The following TSPAN9 variants were observed in gnomAD, a reference collection of about 807,000 sequenced individuals.
TSPAN9 encodes tetraspanin-9.
TSPAN9 carries 16 observed loss-of-function variants against 31.0 expected under a neutral mutation model. The observed-to-expected ratio is 0.52, with a 90% CI of 0.35 to 0.78. TSPAN9 has a LOEUF of 0.78. TSPAN9 is among the 30% of genes least tolerant of loss of function. TSPAN9 has a pLI of 0.01. For missense variants in TSPAN9, 272 were observed against 312.5 expected, an observed-to-expected ratio of 0.87 and a Z score of 0.98; for synonymous variants, 145 against 121.6, an observed-to-expected ratio of 1.19 and a Z score of -1.27.
chr12:3,108,007 C>G (rs1023589747), intron 2 of TSPAN9, among the ~76,000 whole-genome samples: 12 of 152,336 alleles, frequency 7.9e-5, no homozygotes, highest in African/African-American at 2.9e-4. Flanking sequence ...TTTCTGGATA[C>G]TCCTTGTGTA....
At chr12:3,178,861 G>A (rs1002434389) in intron 2 of TSPAN9, among the ~76,000 whole-genome samples, 1 of 152,204 alleles carries the variant, frequency 6.6e-6, no homozygotes, top group Non-Finnish European at 1.5e-5. Context: ...TGGGCATTCT[G>A]TGCATCTGCT....
intron 3 of TSPAN9, among the ~76,000 whole-genome samples, chr12:3,268,941 T>C (rs1301015630): frequency 4.2e-4 from 34 of 81,398 alleles, no homozygotes; most frequent in East Asian, 1.3e-3. Flanking sequence ...GCCTGCCCTC[T>C]CTGTGTTCCT....
At chr12:3,226,243 G>A (rs1299210100) in intron 3 of TSPAN9, among the ~76,000 whole-genome samples, 2 of 152,182 alleles carry the variant, frequency 1.3e-5, no homozygotes, top group African/African-American at 2.4e-5. Flanking sequence ...TGCACATAGC[G>A]GGAGAAACTC....
At position 3,283,387 on chromosome 12, in the gene TSPAN9, C is replaced by G. The variant is rs113502124; in HGVS notation, c.*271C>G. The G allele has an allele frequency of 7.5e-3, 3,090 of 412,746 alleles. 101 individuals are homozygous for G. Among genetic ancestry groups the G allele is most frequent in the African/African-American group, 0.061 (2,898 of 47,756 alleles). 25.6% of individuals were successfully genotyped at this position (412,746 alleles called of 1,614,324 possible). ...AAAGACGACAGGGTGGGCTGGGGTG[C>G]GCTCCGGAGGAACCCCCGGCACTGA... On this transcript the variant is annotated 3_prime_UTR_variant, in exon 9 of 9. Coordinates refer to ENST00000011898, the MANE Select transcript of TSPAN9 (RefSeq NM_006675.5).
At chr12:3,141,116 G>A (rs1421745120) in intron 2 of TSPAN9, among the ~76,000 whole-genome samples, 1 of 152,006 alleles carries the variant, frequency 6.6e-6, no homozygotes, top group Non-Finnish European at 1.5e-5. Context: ...CCAAAGGAGA[G>A]GTTTGAGTTT....
At chr12:3,161,509 G>A (rs1309951076) in intron 2 of TSPAN9, among the ~76,000 whole-genome samples, 1 of 152,164 alleles carries the variant, frequency 6.6e-6, no homozygotes, top group African/African-American at 2.4e-5. Flanking sequence ...GATCTTAAAG[G>A]ACACCTGGAG....
chr12:3,131,548 G>A (rs2098329833), intron 2 of TSPAN9, among the ~76,000 whole-genome samples: 1 of 152,172 alleles, frequency 6.6e-6, no homozygotes, highest in Admixed American at 6.5e-5. Context: ...ATCCTCTAAT[G>A]CTGATGAAAG....
chr12:3,210,659 TGTA>T (rs2098378164), intron 3 of TSPAN9, among the ~76,000 whole-genome samples: 1 of 152,150 alleles, frequency 6.6e-6, no homozygotes, highest in African/African-American at 2.4e-5. Context: ...TTTATTGTAA[TGTA>T]GTCAAATTTT....
intron 2 of TSPAN9, among the ~76,000 whole-genome samples, chr12:3,199,071 G>C (rs57618673): frequency 0.042 from 6,364 of 152,266 alleles, 449 homozygotes; most frequent in African/African-American, 0.14. Context: ...GAAGGGCAGG[G>C]AGCCCCACTT....
intron 2 of TSPAN9, among the ~76,000 whole-genome samples, chr12:3,090,285 C>A (rs1591622526): frequency 6.6e-6 from 1 of 152,198 alleles, no homozygotes; most frequent in Non-Finnish European, 1.5e-5. Context: ...GCTGCATAGA[C>A]CACCCCAAAA....
intron 3 of TSPAN9, among the ~76,000 whole-genome samples, chr12:3,269,489 TCTGCAGCCTGCCCTCTCTGTGTTC>T (rs1862627618): frequency 7.8e-6 from 1 of 127,484 alleles, no homozygotes; most frequent in Non-Finnish European, 1.6e-5. Flanking sequence ...CCTCTGTGTT[TCTGCAGCCTGCCCTCTCTGTGTTC>T]CTGCAGCCTG....
chr12:3,107,530 G>GC lies in TSPAN9; in HGVS notation c.-18+23817dup, dbSNP rs111748762. Among the ~76,000 whole-genome samples, 4 of 152,268 alleles carry GC rather than the reference G, an allele frequency of 2.6e-5. No homozygotes were observed. Among genetic ancestry groups the GC allele is most frequent in the African/African-American group, 9.6e-5 (4 of 41,544 alleles). On this transcript the variant is annotated intron_variant, in intron 2 of 8. Coordinates refer to ENST00000011898, the MANE Select transcript of TSPAN9 (RefSeq NM_006675.5). The surrounding 1 kb of genome is among the most constrained non-coding windows in gnomAD (Gnocchi z 4.1). Reference sequence around the variant, plus strand: ...CCAAGGACAGCAGACCCCCAGTCCAGCCCCCCTATCCCTGTGCCCTTCATC... The same window carrying GC: ...CCAAGGACAGCAGACCCCCAGTCCAGCCCCCCCTATCCCTGTGCCCTTCATC...
intron 2 of TSPAN9, among the ~76,000 whole-genome samples, chr12:3,197,762 A>G (rs1315946879): frequency 4.1e-5 from 2 of 48,678 alleles, no homozygotes; most frequent in Non-Finnish European, 9.2e-5. Context: ...ACAGGTCACC[A>G]GCACAGGCCA....
intron 2 of TSPAN9, among the ~76,000 whole-genome samples, chr12:3,104,883 C>T (rs1047641360): frequency 6.6e-6 from 1 of 152,176 alleles, no homozygotes; most frequent in Non-Finnish European, 1.5e-5. Flanking sequence ...TCCATATTTC[C>T]AGAGCAAAAG....
Position 3,201,238 on chromosome 12 carries a change from C to G in TSPAN9, c.45C>G (p.Leu15=). The stretch of plus-strand genomic sequence containing the variant: ...GCTGCTTGAAGTACATGATGTTCCT[C>G]TTCAATTTGATATTCTGGGTAAGTC... The part of the protein sequence containing the change: ...CLCCLKYMMF[L]FNLIFWLCGC... The change falls in exon 3 of 9, where the codon CTC becomes CTG. Residue 15 remains leucine, a synonymous_variant. Coordinates refer to ENST00000011898, the MANE Select transcript of TSPAN9 (RefSeq NM_006675.5). 1 of 1,614,124 alleles carries G rather than the reference C, an allele frequency of 6.2e-7. No homozygotes were observed. Among genetic ancestry groups the G allele is most frequent in the Non-Finnish European group, 8.5e-7 (1 of 1,180,032 alleles).
intron 2 of TSPAN9, among the ~76,000 whole-genome samples, chr12:3,150,716 T>A (rs2098339325): frequency 6.6e-6 from 1 of 152,144 alleles, no homozygotes; most frequent in African/African-American, 2.4e-5. Flanking sequence ...TAATTCCCAC[T>A]TACGAGCTGA....
chr12:3,169,891 C>T (rs1839936457), intron 2 of TSPAN9, among the ~76,000 whole-genome samples: 1 of 152,056 alleles, frequency 6.6e-6, no homozygotes, highest in South Asian at 2.1e-4. Context: ...GTATGCAGCT[C>T]CCTGAGTGGG....
chr12:3,172,275 T>C lies in TSPAN9; in HGVS notation c.-17-28902T>C, dbSNP rs935426218. 1.3e-5 allele frequency: 2 copies of C among 152,318 alleles called. No homozygotes were observed. The highest frequency in any genetic ancestry group is 4.8e-5 in the African/African-American group (2 of 41,450). 9.4% of individuals were successfully genotyped at this position (152,318 alleles called of 1,614,324 possible). A position where few individuals can be genotyped will look rare whatever the true frequency, so the allele number is the denominator to read the frequency against. ...ACTGCTGGGGAGCGAGGGATGCAGA[T>C]TGGTCCTGGTGCAGGCGGCCCTCTC... is the stretch of plus-strand genomic sequence containing the variant. On this transcript the variant is annotated intron_variant, in intron 2 of 8. Coordinates refer to ENST00000011898, the MANE Select transcript of TSPAN9 (RefSeq NM_006675.5). This position sits in a 1 kb window ranked among gnomAD's most constrained non-coding sequence, Gnocchi z 4.8.
At chr12:3,190,385 C>T (rs1229399370) in intron 2 of TSPAN9, among the ~76,000 whole-genome samples, 1 of 152,256 alleles carries the variant, frequency 6.6e-6, no homozygotes, top group Admixed American at 6.5e-5. Context: ...TCCCCGCAGC[C>T]ACCTGCCTTC....
Sources: gnomAD v4.1 joint callset for allele counts (sites outside exome capture counted in the v4.1 genomes callset) on GRCh38, gnomAD v4.1.1 for gene constraint, Gnocchi (gnomAD v3.1) non-coding constraint, MANE v1.5 for transcripts, NCBI Gene and HGNC (gene_info 2026-07-23, HGNC 2026-07-21) for gene names.